Variants in OLFML2A observed in about 807,000 individuals in gnomAD.
OLFML2A encodes olfactomedin like 2A, also known as olfactomedin-like protein 2A.
A neutral mutation model predicts 60.9 loss-of-function variants in OLFML2A; 47 were observed. The ratio of observed to expected loss-of-function variants is 0.77; its 90% CI spans 0.61 to 0.98. OLFML2A has a LOEUF of 0.98. Among genes scored for constraint, OLFML2A ranks in the 50% least tolerant of loss-of-function variants. The pLI is 0.00. For missense variants in OLFML2A, 922 were observed against 879.8 expected, an observed-to-expected ratio of 1.05 and a Z score of -0.61; for synonymous variants, 372 against 375.0, an observed-to-expected ratio of 0.99 and a Z score of 0.09.
intron 5 of OLFML2A, among the ~76,000 whole-genome samples, chr9:124,803,659 C>G (rs1841826474): frequency 1.3e-5 from 2 of 152,256 alleles, no homozygotes; most frequent in Admixed American, 6.5e-5. Flanking sequence ...AAAACGGGAA[C>G]AAGAGCTTCT....
At position 124,777,972 on chromosome 9, in the gene OLFML2A, C is replaced by T. The variant is rs189702030; in HGVS notation, c.90+612C>T. Among the ~76,000 whole-genome samples the T allele has an allele frequency of 3.6e-3, 546 of 152,316 alleles. 5 individuals carry two copies. The highest frequency in any genetic ancestry group is 0.013 in the African/African-American group (522 of 41,566). ...TCTCATCCGCCATCGCCCATCTGAG[C>T]CTCCGTCTATTCACCTGTAGATACA... On this transcript the variant is annotated intron_variant, in intron 1 of 7. Transcript: ENST00000373580. This position sits in a 1 kb window ranked among gnomAD's most constrained non-coding sequence, Gnocchi z 6.2.
intron 1 of OLFML2A, among the ~76,000 whole-genome samples, 176 bp from the exon 2 acceptor site, chr9:124,786,799 G>C (rs1039231942): frequency 2.2e-5 from 3 of 135,558 alleles, no homozygotes; most frequent in African/African-American, 5.7e-5. Context: ...CACACACACA[G>C]AGTTGTTATT....
Position 124,804,079 on chromosome 9 carries a change from G to C in OLFML2A, c.920-15G>C. On this transcript the variant is annotated splice_polypyrimidine_tract_variant and intron_variant, in intron 5 of 7. Transcript: ENST00000373580. The stretch of plus-strand genomic sequence containing the variant: ...GTGGTGCTGAGATTTGAGCACAGGG[G>C]TCTTCTCTCTGCAGACAACACCCTC... The C allele has an allele frequency of 6.2e-7, 1 of 1,613,198 alleles. No homozygotes were observed. Among genetic ancestry groups the C allele is most frequent in the Non-Finnish European group, 8.5e-7 (1 of 1,179,476 alleles).
intron 3 of OLFML2A, among the ~76,000 whole-genome samples, chr9:124,798,289 G>A (rs1017465654): frequency 6.6e-6 from 1 of 152,068 alleles, no homozygotes; most frequent in Non-Finnish European, 1.5e-5. Flanking sequence ...ATCACTTGAG[G>A]TCAGGAGTTC....
Position 124,811,747 on chromosome 9 carries a change from A to G in OLFML2A, c.*1335A>G, listed in dbSNP as rs754469852. ...GGTGGCTCCCCAGAGCCTCAGACCC[A>G]CACAGCCCAGAGGACGAGGCCTTCA... On this transcript the variant is annotated 3_prime_UTR_variant, in exon 8 of 8. Transcript: ENST00000373580. The G allele has an allele frequency of 2.6e-5, 4 of 152,250 alleles. No homozygotes were observed. Among genetic ancestry groups the G allele is most frequent in the Non-Finnish European group, 5.9e-5 (4 of 68,066 alleles). 9.4% of individuals were successfully genotyped at this position (152,250 alleles called of 1,614,324 possible).
chr9:124,814,844 A>G lies in OLFML2A; in HGVS notation c.*4432A>G, dbSNP rs1842084960. 1 of 152,222 alleles carries G rather than the reference A, an allele frequency of 6.6e-6. No homozygotes were observed. The highest frequency in any genetic ancestry group is 1.5e-5 in the Non-Finnish European group (1 of 68,042). 9.4% of individuals were successfully genotyped at this position (152,222 alleles called of 1,614,324 possible). On this transcript the variant is annotated 3_prime_UTR_variant, in exon 8 of 8. Transcript: ENST00000373580. Reference sequence around the variant, plus strand: ...TATCTGTTTTGCAACAAGATGGGCTATATCTAAATAAAGACATGATCAAAG... The same window carrying G: ...TATCTGTTTTGCAACAAGATGGGCTGTATCTAAATAAAGACATGATCAAAG...
At position 124,801,553 on chromosome 9, in the gene OLFML2A, G is replaced by A. The variant is rs1166567055; in HGVS notation, c.809G>A (p.Ser270Asn). The change falls in exon 5 of 8, where the codon AGT (serine) becomes AAT (asparagine). Residue 270 changes from serine to asparagine, a missense_variant. By Grantham distance (46) the Ser-to-Asn change is conservative. Coordinates refer to ENST00000373580, the MANE Select transcript of OLFML2A (RefSeq NM_182487.4). ...CTGAGAAAGGAGAGCGGCAAGGGCA[G>A]TTTCCTCCAGCCCACAGCCAAGCCC... Reference protein sequence around the residue: ...EKLRKESGKGSFLQPTAKPRA... With the variant: ...EKLRKESGKGNFLQPTAKPRA... 2 of 1,614,126 alleles carry A rather than the reference G, an allele frequency of 1.2e-6. No homozygotes were observed. The highest frequency in any genetic ancestry group is 1.7e-6 in the Non-Finnish European group (2 of 1,180,026).
intron 4 of OLFML2A, chr9:124,801,014 T>G: frequency 6.4e-7 from 1 of 1,551,386 alleles, no homozygotes; most frequent in South Asian, 1.2e-5. Flanking sequence ...CCTAGGTGCC[T>G]AAGAACCTCT....
In OLFML2A at chr9:124,777,808, C is replaced by T. The variant is rs1404269487; in HGVS notation, c.90+448C>T. Among the ~76,000 whole-genome samples the T allele has an allele frequency of 2.0e-5, 3 of 152,142 alleles. No homozygotes were observed. Among genetic ancestry groups the T allele is most frequent in the African/African-American group, 7.2e-5 (3 of 41,442 alleles). ...GCAGCCGCGCTGGCCACTCGCCTGG[C>T]CTCTGATGTTCTTGCCAGGGACCGG... On this transcript the variant is annotated intron_variant, in intron 1 of 7. Transcript: ENST00000373580. The surrounding 1 kb of genome is among the most constrained non-coding windows in gnomAD (Gnocchi z 6.2).
In OLFML2A at chr9:124,779,057, C is replaced by T. The variant is rs929437630; in HGVS notation, c.90+1697C>T. On this transcript the variant is annotated intron_variant, in intron 1 of 7. Coordinates refer to ENST00000373580, the MANE Select transcript of OLFML2A (RefSeq NM_182487.4). The surrounding 1 kb of genome is among the most constrained non-coding windows in gnomAD (Gnocchi z 4.1). ...TCAGCTCAGGGCATGAAAGCACCCA[C>T]GTACAACGCTGCTCATGTACTCCAG... is the stretch of plus-strand genomic sequence containing the variant. 2 of 483,716 alleles carry T rather than the reference C, an allele frequency of 4.1e-6. No homozygotes were observed. The highest frequency in any genetic ancestry group is 5.4e-6 in the Non-Finnish European group (2 of 371,664). 30.0% of individuals were successfully genotyped at this position (483,716 alleles called of 1,614,324 possible). A position where few individuals can be genotyped will look rare whatever the true frequency, so the allele number is the denominator to read the frequency against.
intron 6 of OLFML2A, among the ~76,000 whole-genome samples, chr9:124,805,062 C>T (rs1841863836): frequency 6.6e-6 from 1 of 152,144 alleles, no homozygotes; most frequent in Admixed American, 6.5e-5. Flanking sequence ...TCATCAAATC[C>T]AGCAACTATT....
At chr9:124,784,948 T>G (rs960640311) in intron 1 of OLFML2A, among the ~76,000 whole-genome samples, 7 of 99,078 alleles carry the variant, frequency 7.1e-5, no homozygotes, top group African/African-American at 3.3e-4. Flanking sequence ...TACTTGTTTT[T>G]TTTTTTTTTT....
At chr9:124,782,610 C>T (rs547883068) in intron 1 of OLFML2A, among the ~76,000 whole-genome samples, 26 of 152,170 alleles carry the variant, frequency 1.7e-4, no homozygotes, top group Non-Finnish European at 3.2e-4. Context: ...TTCCCCCTGG[C>T]GCTCTGCTGC....
intron 1 of OLFML2A, among the ~76,000 whole-genome samples, chr9:124,782,621 C>T (rs1408892788): frequency 1.3e-5 from 2 of 152,206 alleles, no homozygotes; most frequent in Admixed American, 6.5e-5. Flanking sequence ...GCTCTGCTGC[C>T]CTCCAGCCAA....
At chr9:124,805,384 G>A (rs1380565931) in intron 6 of OLFML2A, among the ~76,000 whole-genome samples, 1 of 152,144 alleles carries the variant, frequency 6.6e-6, no homozygotes, top group Non-Finnish European at 1.5e-5. Flanking sequence ...CTGACATGGG[G>A]AGGACTGGTC....
chr9:124,801,348 C>T, intron 4 of OLFML2A, 66 bp from the exon 5 acceptor site: 1 of 1,539,542 alleles, frequency 6.5e-7, no homozygotes, highest in South Asian at 1.2e-5. Context: ...ACATGCTGAG[C>T]CCCCAGGACT....
At chr9:124,801,189 T>C in intron 4 of OLFML2A, 2 of 980,482 alleles carry the variant, frequency 2.0e-6, no homozygotes, top group Non-Finnish European at 3.0e-6. Context: ...AGGTTGGACT[T>C]CAAGCCTGCA....
chr9:124,792,429 C>T (rs545714251), intron 2 of OLFML2A, among the ~76,000 whole-genome samples: 2 of 152,298 alleles, frequency 1.3e-5, no homozygotes, highest in African/African-American at 4.8e-5. Flanking sequence ...TACCTTTGTC[C>T]CCAGATCTGG....
At chr9:124,784,943 G>GTTTTTTTTGTTTTTTT (rs1841429970) in intron 1 of OLFML2A, among the ~76,000 whole-genome samples, 4 of 69,540 alleles carry the variant, frequency 5.8e-5, no homozygotes, top group African/African-American at 1.9e-4. Context: ...CCTTTTACTT[G>GTTTTTTTTGTTTTTTT]TTTTTTTTTT....
Sources: gnomAD v4.1 joint callset for allele counts (sites outside exome capture counted in the v4.1 genomes callset) on GRCh38, gnomAD v4.1.1 for gene constraint, Gnocchi (gnomAD v3.1) non-coding constraint, MANE v1.5 for transcripts, NCBI Gene and HGNC (gene_info 2026-07-23, HGNC 2026-07-21) for gene names.